TLL2: variants seen among roughly 807,000 people sequenced by gnomAD.
TLL2 encodes tolloid like 2.
Under a neutral mutation model 123.0 loss-of-function variants are expected in TLL2, and 106 were observed. The observed-to-expected ratio is 0.86, with a 90% CI of 0.74 to 1.01. The LOEUF is 1.01. Ranked by LOEUF, TLL2 falls within the 50% of genes least tolerant of loss-of-function variation. TLL2 has a pLI of 0.00. For synonymous variants in TLL2, 494 were observed against 516.8 expected, an observed-to-expected ratio of 0.96 and a Z score of 0.60; for missense variants, 1,332 against 1,336.7, an observed-to-expected ratio of 1.00 and a Z score of 0.06.
chr10:96,482,881 T>A (rs1847324325), intron 1 of TLL2, among the ~76,000 whole-genome samples: 1 of 152,236 alleles, frequency 6.6e-6, no homozygotes, highest in Non-Finnish European at 1.5e-5. Flanking sequence ...ACCAAGATGG[T>A]ACCTGGTAAA....
chr10:96,429,596 T>C (rs996898221), intron 4 of TLL2, among the ~76,000 whole-genome samples: 1 of 152,226 alleles, frequency 6.6e-6, no homozygotes, highest in Non-Finnish European at 1.5e-5. Context: ...TCCAGGTTTT[T>C]CGATTTGGAA....
chr10:96,449,692 C>T (rs994017762), intron 2 of TLL2, among the ~76,000 whole-genome samples: 7 of 152,172 alleles, frequency 4.6e-5, no homozygotes, highest in East Asian at 1.9e-4. Flanking sequence ...GCCCTGCCAG[C>T]CTGCTCCACA....
Position 96,421,153 on chromosome 10 carries a change from C to T in TLL2, c.818-92G>A. The T allele has an allele frequency of 4.5e-6, 4 of 887,782 alleles. No homozygotes were observed. The Admixed American group carries it at 5.5e-5, about 12-fold the overall frequency. 55.0% of individuals were successfully genotyped at this position (887,782 alleles called of 1,614,324 possible). On this transcript the variant is annotated intron_variant, in intron 6 of 20. Transcript: ENST00000357947. The stretch of plus-strand genomic sequence containing the variant: ...GGAGAAGGAGGGCCCATAACAACTT[C>T]CCAGGGCTCTCTTGGCCCAATCAGT...
intron 2 of TLL2, among the ~76,000 whole-genome samples, chr10:96,471,991 G>C (rs1247408368): frequency 6.6e-6 from 1 of 152,072 alleles, no homozygotes; most frequent in African/African-American, 2.4e-5. Context: ...AAAATGTCAC[G>C]CACAACATAC....
intron 3 of TLL2, among the ~76,000 whole-genome samples, chr10:96,433,906 G>C (rs1300853868): frequency 1.3e-5 from 2 of 152,102 alleles, no homozygotes; most frequent in African/African-American, 4.8e-5. Context: ...CTCCCGAGTA[G>C]TTGGTATAAC....
chr10:96,419,424 G>A (rs1846597985), intron 7 of TLL2, among the ~76,000 whole-genome samples: 1 of 152,164 alleles, frequency 6.6e-6, no homozygotes, highest in Non-Finnish European at 1.5e-5. Context: ...TCAAAGGCAA[G>A]GGGTCACAGG....
In TLL2 at chr10:96,373,558, T is replaced by C. The variant is rs1846104415; in HGVS notation, c.2662+38A>G. On this transcript the variant is annotated intron_variant, in intron 19 of 20. Coordinates refer to ENST00000357947, the MANE Select transcript of TLL2 (RefSeq NM_012465.4). ...ACCATTTCTCTGTCTCCTGTCCAAG[T>C]GCTCATCAGGTGGAAGCCAGTGTCC... 2.5e-6 allele frequency: 4 copies of C among 1,587,344 alleles called. No individual in the cohort carries two copies. In the Admixed American group the frequency reaches 6.7e-5, roughly 26 times the overall value.
Position 96,380,526 on chromosome 10 carries a change from AAAT to A in TLL2, c.2195-1437_2195-1435del, listed in dbSNP as rs1227001751. On this transcript the variant is annotated intron_variant, in intron 16 of 20. Coordinates refer to ENST00000357947, the MANE Select transcript of TLL2 (RefSeq NM_012465.4). ...ACCCTGTCTCTACTAAAAATACAAA[AAAT>A]AATAATAATAATAATTAGCCGGGCG... Among the ~76,000 whole-genome samples the A allele has an allele frequency of 4.0e-5, 6 of 151,492 alleles. No individual in the cohort carries two copies. The South Asian group carries it at 6.3e-4, about 16-fold the overall frequency.
chr10:96,466,444 A>G (rs2134096845), intron 2 of TLL2, among the ~76,000 whole-genome samples: 1 of 152,304 alleles, frequency 6.6e-6, no homozygotes, highest in South Asian at 2.1e-4. Flanking sequence ...CTGGGCCATC[A>G]TGCACTGGGT....
intron 18 of TLL2, among the ~76,000 whole-genome samples, chr10:96,375,661 T>A (rs1167446824): frequency 6.6e-6 from 1 of 152,188 alleles, no homozygotes; most frequent in Non-Finnish European, 1.5e-5. Context: ...GAGCACCCTG[T>A]GGTCAGAGGC....
chr10:96,472,707 C>A (rs1589431033), intron 2 of TLL2, among the ~76,000 whole-genome samples: 2 of 151,842 alleles, frequency 1.3e-5, no homozygotes, highest in South Asian at 4.2e-4. Flanking sequence ...GGCTGCAGTG[C>A]ACCACTGCAC....
At chr10:96,438,376 C>T (rs748194706) in intron 3 of TLL2, among the ~76,000 whole-genome samples, 3 of 151,980 alleles carry the variant, frequency 2.0e-5, no homozygotes, top group African/African-American at 4.8e-5. Flanking sequence ...GGAGTGATTG[C>T]GTATATGGCA....
chr10:96,486,723 T>C (rs1847359952), intron 1 of TLL2, among the ~76,000 whole-genome samples: 1 of 152,204 alleles, frequency 6.6e-6, no homozygotes, highest in Non-Finnish European at 1.5e-5. Flanking sequence ...GAACCATCTG[T>C]AGAGAGCACC....
intron 3 of TLL2, among the ~76,000 whole-genome samples, chr10:96,445,882 T>C (rs768248648): frequency 6.6e-6 from 1 of 152,034 alleles, no homozygotes; most frequent in Non-Finnish European, 1.5e-5. Context: ...GAAGGGAGAA[T>C]GGGAGTGACT....
intron 4 of TLL2, among the ~76,000 whole-genome samples, chr10:96,430,409 T>A (rs908309435): frequency 6.6e-6 from 1 of 152,214 alleles, no homozygotes; most frequent in Non-Finnish European, 1.5e-5. Context: ...TCAGACAGCC[T>A]ACAGAGCCGT....
In TLL2 at chr10:96,480,357, T is replaced by C; in HGVS notation, c.278A>G (p.His93Arg). 3 of 1,614,092 alleles carry C rather than the reference T, an allele frequency of 1.9e-6. No homozygotes were observed. Among genetic ancestry groups the C allele is most frequent in the Non-Finnish European group, 2.5e-6 (3 of 1,179,946 alleles). Residue 93 changes from histidine (H) to arginine (R), a missense_variant, in exon 2 of 21, where the codon CAC becomes CGC. Coordinates refer to ENST00000357947, the MANE Select transcript of TLL2 (RefSeq NM_012465.4). ...GAGGAAGCAGTACCTACCTGTGCTG[T>C]GTCCTGTTGCCCCCACTGTCTGCTT... ...WTKQTVGATGHSTGGLEEQAS... is the reference protein window; with the variant it reads ...WTKQTVGATGRSTGGLEEQAS...
rs1847656990 is a variant in TLL2, at chr10:96,513,774, C to A, written c.-89G>T. The A allele has an allele frequency of 1.5e-6, 2 of 1,323,082 alleles. No homozygotes were observed. The highest frequency in any genetic ancestry group is 6.0e-5 in the Admixed American group (2 of 33,260). The allele number at this position is 1,323,082 out of a possible 1,614,324, so 82.0% of individuals were successfully genotyped here. On this transcript the variant is annotated 5_prime_UTR_variant, in exon 1 of 21. Coordinates refer to ENST00000357947, the MANE Select transcript of TLL2 (RefSeq NM_012465.4). ...ACGGCGCACACTGGGTCGGTCGGCTCCGGCCGGGACTCGGTGGTTACACAG... is the reference window on the plus strand; with the variant it reads ...ACGGCGCACACTGGGTCGGTCGGCTACGGCCGGGACTCGGTGGTTACACAG...
rs372199419 is a variant in TLL2, at chr10:96,472,811, T to C, written c.286+7538A>G. Among the ~76,000 whole-genome samples the C allele has an allele frequency of 5.3e-5, 8 of 152,204 alleles. No individual in the cohort carries two copies. In the East Asian group the frequency reaches 1.2e-3, roughly 22 times the overall value. The stretch of plus-strand genomic sequence containing the variant: ...TAAAAATATGCTGGGAACAGAAACA[T>C]GTTGGATCTCTTTTTAGAGCCTCAA... On this transcript the variant is annotated intron_variant, in intron 2 of 20. Coordinates refer to ENST00000357947, the MANE Select transcript of TLL2 (RefSeq NM_012465.4).
intron 1 of TLL2, among the ~76,000 whole-genome samples, chr10:96,492,240 G>A (rs1160598072): frequency 6.6e-6 from 1 of 151,288 alleles, no homozygotes; most frequent in African/African-American, 2.4e-5. Flanking sequence ...AAAAAAAAAG[G>A]CCATGAGGGA....
Sources: allele counts gnomAD v4.1 joint callset (sites outside exome capture counted in the v4.1 genomes callset), GRCh38; gene constraint gnomAD v4.1.1; transcripts MANE v1.5; gene names NCBI Gene and HGNC (gene_info 2026-07-23, HGNC 2026-07-21).